HGD: variants seen among roughly 807,000 people sequenced by gnomAD.
HGD encodes homogentisate oxidase.
HGD carries 61 observed loss-of-function variants against 60.8 expected under a neutral mutation model. The ratio of observed to expected loss-of-function variants is 1.00; its 90% CI spans 0.82 to 1.24. HGD has a LOEUF of 1.24. Among genes scored for constraint, HGD ranks in the 50% most tolerant of loss-of-function variants. HGD has a pLI of 0.00. For synonymous variants in HGD, 212 were observed against 187.7 expected (o/e 1.13, Z -1.06); for missense variants, 542 against 547.1 (o/e 0.99, Z 0.09).
intron 12 of HGD, among the ~76,000 whole-genome samples, chr3:120,636,116 C>CAAAAAAAAA (rs34434001): frequency 8.8e-6 from 1 of 113,232 alleles, no homozygotes; most frequent in African/African-American, 3.3e-5. Flanking sequence ...ACTAACAATA[C>CAAAAAAAAA]AAAAAAAAAA....
chr3:120,664,041 G>A (rs984911922), intron 4 of HGD, among the ~76,000 whole-genome samples: 4 of 152,028 alleles, frequency 2.6e-5, no homozygotes, highest in African/African-American at 9.7e-5. Context: ...TCTCACTGGA[G>A]TCCTTTGAAC....
At chr3:120,675,761 G>A (rs769626786) in intron 2 of HGD, 31 bp downstream of exon 2, 16 of 1,562,206 alleles carry the variant, frequency 1.0e-5, no homozygotes, top group Non-Finnish European at 1.4e-5. Context: ...ATAGGATTCA[G>A]AGCTCTTCTA....
intron 6 of HGD, among the ~76,000 whole-genome samples, chr3:120,648,331 G>A (rs1328418133): frequency 3.9e-5 from 6 of 152,202 alleles, no homozygotes; most frequent in Non-Finnish European, 8.8e-5. Flanking sequence ...GAGGGCACGC[G>A]GCAGCTTGAA....
At chr3:120,679,975 G>A (rs35345272) in intron 1 of HGD, among the ~76,000 whole-genome samples, 3,270 of 152,258 alleles carry the variant, frequency 0.021, 69 homozygotes, top group South Asian at 0.065. Context: ...AGAATAGTAG[G>A]TCCTGTCTCT....
chr3:120,670,298 C>T (rs1707995792), intron 4 of HGD, 129 bp downstream of exon 4: 4 of 704,176 alleles, frequency 5.7e-6, no homozygotes, highest in African/African-American at 1.8e-5. Flanking sequence ...AACAGACACA[C>T]TTTAGCATTT....
At chr3:120,669,014 A>G (rs1298541874) in intron 4 of HGD, among the ~76,000 whole-genome samples, 1 of 152,226 alleles carries the variant, frequency 6.6e-6, no homozygotes, top group African/African-American at 2.4e-5. Flanking sequence ...CTCTGCAAGC[A>G]GAGTACGTAA....
At chr3:120,658,648 G>C (rs565609883) in intron 4 of HGD, among the ~76,000 whole-genome samples, 1 of 152,340 alleles carries the variant, frequency 6.6e-6, no homozygotes, top group Non-Finnish European at 1.5e-5. Flanking sequence ...CCCCAGCGGG[G>C]ACTCTGTGTG....
At chr3:120,664,431 T>TC (rs1433773980) in intron 4 of HGD, among the ~76,000 whole-genome samples, 1 of 146,122 alleles carries the variant, frequency 6.8e-6, no homozygotes, top group African/African-American at 2.5e-5. Context: ...TCTTCCTTTT[T>TC]TTTTTTTTTT....
rs1941303680 is a variant in HGD, at chr3:120,650,473, A to T, written c.434+301T>A. Among the ~76,000 whole-genome samples, 3 of 152,206 alleles carry T rather than the reference A, an allele frequency of 2.0e-5. No homozygotes were observed. In the South Asian group the frequency reaches 6.2e-4, roughly 32 times the overall value. ...CAAAAGCATATTTGGACTCAGACTT[A>T]AAGTCAAAATGCCTTTCGATCTACT... On this transcript the variant is annotated intron_variant, in intron 6 of 13. Transcript: ENST00000283871.
chr3:120,660,588 G>C (rs2551583), intron 4 of HGD, among the ~76,000 whole-genome samples: 37,372 of 152,092 alleles, frequency 0.25, 4,791 homozygotes, highest in Middle Eastern at 0.35. Flanking sequence ...ACTTTGGGAG[G>C]CCGAGGCGGC....
intron 4 of HGD, among the ~76,000 whole-genome samples, chr3:120,667,570 T>TA (rs1707929531): frequency 6.6e-6 from 1 of 151,948 alleles, no homozygotes; most frequent in Non-Finnish European, 1.5e-5. Context: ...AGGTTAGGTT[T>TA]AAAACCTAAC....
intron 12 of HGD, 198 bp from the exon 13 acceptor site, chr3:120,633,526 A>C (rs190807395): frequency 4.7e-6 from 7 of 1,500,522 alleles, no homozygotes; most frequent in African/African-American, 4.1e-5. Flanking sequence ...GCACAGCTCT[A>C]CTCCATGGCC....
intron 11 of HGD, among the ~76,000 whole-genome samples, chr3:120,641,280 G>A (rs1052646941): frequency 5.9e-5 from 9 of 152,104 alleles, no homozygotes; most frequent in Non-Finnish European, 1.3e-4. Flanking sequence ...TTAACACTTG[G>A]TTGTTTTGGG....
chr3:120,657,883 C>T (rs903740573), intron 4 of HGD, among the ~76,000 whole-genome samples: 5 of 152,078 alleles, frequency 3.3e-5, no homozygotes, highest in African/African-American at 1.2e-4. Context: ...GGAGGTGCCA[C>T]ACACTTTTCA....
intron 6 of HGD, among the ~76,000 whole-genome samples, chr3:120,649,829 A>G (rs1479444162): frequency 6.6e-6 from 1 of 152,018 alleles, no homozygotes; most frequent in Non-Finnish European, 1.5e-5. Flanking sequence ...GAGGTGCTAG[A>G]TCTCTGGAGA....
intron 4 of HGD, among the ~76,000 whole-genome samples, chr3:120,661,806 G>A (rs2107534784): frequency 6.6e-6 from 1 of 152,318 alleles, no homozygotes; most frequent in African/African-American, 2.4e-5. Context: ...AATGCATTTA[G>A]AGAAATGCAA....
intron 6 of HGD, among the ~76,000 whole-genome samples, chr3:120,649,139 C>CTTTTTTTT (rs10572267): frequency 3.1e-4 from 29 of 94,396 alleles, no homozygotes; most frequent in South Asian, 4.3e-4. Flanking sequence ...TCTTCTTTTT[C>CTTTTTTTT]TTTTTTTTTT....
At chr3:120,636,759 G>A (rs889977037) in intron 12 of HGD, among the ~76,000 whole-genome samples, 2 of 152,170 alleles carry the variant, frequency 1.3e-5, no homozygotes, top group Non-Finnish European at 2.9e-5. Context: ...CCATGGAGTG[G>A]CCTACGTCCA....
chr3:120,668,036 T>G (rs1482267471), intron 4 of HGD, among the ~76,000 whole-genome samples: 2 of 152,166 alleles, frequency 1.3e-5, no homozygotes, highest in East Asian at 3.9e-4. Context: ...TCTGTGTCCC[T>G]TTGTGTGGGG....
Sources: allele counts gnomAD v4.1 joint callset (sites outside exome capture counted in the v4.1 genomes callset), GRCh38; gene constraint gnomAD v4.1.1; transcripts MANE v1.5; gene names NCBI Gene and HGNC (gene_info 2026-07-23, HGNC 2026-07-21).